The following KCNH1 variants were observed in gnomAD, a reference collection of about 807,000 sequenced individuals.
KCNH1 encodes voltage-gated delayed rectifier potassium channel KCNH1.
Under a neutral mutation model 69.2 loss-of-function variants are expected in KCNH1, and 27 were observed. The observed-to-expected ratio is 0.39, with a 90% CI of 0.29 to 0.54. The LOEUF is 0.54. Ranked by LOEUF, KCNH1 falls within the 20% of genes least tolerant of loss-of-function variation. KCNH1 has a pLI of 0.68. For synonymous variants in KCNH1, 456 were observed against 487.7 expected, an observed-to-expected ratio of 0.93 and a Z score of 0.86; for missense variants, 798 against 1,261.6, an observed-to-expected ratio of 0.63 and a Z score of 5.57.
At chr1:210,948,350 T>A (rs922160943) in intron 6 of KCNH1, among the ~76,000 whole-genome samples, 72 of 152,116 alleles carry the variant, frequency 4.7e-4, no homozygotes, top group African/African-American at 1.7e-3. Context: ...AATATGGCTA[T>A]GTAAATTATG....
chr1:210,852,337 G>A (rs1233992341), intron 7 of KCNH1, among the ~76,000 whole-genome samples: 1 of 152,224 alleles, frequency 6.6e-6, no homozygotes, highest in Non-Finnish European at 1.5e-5. Flanking sequence ...TGGTGCGAGA[G>A]AAGGCTGGAG....
intron 6 of KCNH1, among the ~76,000 whole-genome samples, chr1:211,011,922 T>C (rs1280258863): frequency 1.3e-5 from 2 of 152,216 alleles, no homozygotes; most frequent in African/African-American, 4.8e-5. Context: ...ACAATGTTTC[T>C]AGCATGGAGG....
In KCNH1 at chr1:210,883,967, A is replaced by G. The variant is rs538656337; in HGVS notation, c.1462+35673T>C. On this transcript the variant is annotated intron_variant, in intron 7 of 10. Coordinates refer to ENST00000271751, the MANE Select transcript of KCNH1 (RefSeq NM_172362.3). ...GAGGCAAACCTCTTCCTCCCAGCCC[A>G]TGCTCTGGACAATGATTCATCAGCC... Among the ~76,000 whole-genome samples the G allele has an allele frequency of 8.5e-5, 13 of 152,352 alleles. No individual in the cohort carries two copies. In the South Asian group the frequency reaches 2.7e-3, roughly 32 times the overall value.
At chr1:210,905,965 A>G (rs1262788048) in intron 7 of KCNH1, among the ~76,000 whole-genome samples, 1 of 152,176 alleles carries the variant, frequency 6.6e-6, no homozygotes, top group Non-Finnish European at 1.5e-5. Context: ...GTCCAGCGTA[A>G]AGCCCTTACT....
intron 6 of KCNH1, among the ~76,000 whole-genome samples, chr1:210,922,972 C>T (rs1687497421): frequency 6.6e-6 from 1 of 152,186 alleles, no homozygotes; most frequent in Non-Finnish European, 1.5e-5. Context: ...GGCAAAACTG[C>T]CTTGCCATTT....
chr1:210,897,851 G>C (rs1686904154), intron 7 of KCNH1, among the ~76,000 whole-genome samples: 1 of 152,304 alleles, frequency 6.6e-6, no homozygotes, highest in African/African-American at 2.4e-5. Flanking sequence ...GCAGAAGCAG[G>C]AAGAGAGCGA....
intron 10 of KCNH1, among the ~76,000 whole-genome samples, chr1:210,760,814 G>A (rs1683501254): frequency 6.6e-6 from 1 of 152,122 alleles, no homozygotes. Context: ...AGAACAGCAA[G>A]GGAAAGACCT....
intron 9 of KCNH1, among the ~76,000 whole-genome samples, chr1:210,780,935 T>G (rs906729377): frequency 1.8e-4 from 28 of 152,164 alleles, no homozygotes; most frequent in Admixed American, 1.6e-3. Context: ...TAGTCCCAGC[T>G]ACTTGGGAGG....
chr1:211,072,560 T>C (rs1437787409), intron 5 of KCNH1, among the ~76,000 whole-genome samples: 1 of 152,234 alleles, frequency 6.6e-6, no homozygotes, highest in Non-Finnish European at 1.5e-5. Context: ...TTTGTGTTTA[T>C]GTATATGTGA....
At chr1:210,859,503 A>T (rs867156883) in intron 7 of KCNH1, 3 of 1,602,142 alleles carry the variant, frequency 1.9e-6, no homozygotes, top group Middle Eastern at 3.3e-4. Context: ...CCCAATCTTC[A>T]TCATCTCCAT....
In KCNH1 at chr1:210,683,288, G is replaced by C. The variant is rs748546352; in HGVS notation, c.2963C>G (p.Ala988Gly). ...TTTTTTTAAATAGACCTCTCAGCTG[G>C]CTCCAAAAATGTCTCTCTCTGATTC... ...SPESERDIFG[A>G]S Residue 988 changes from alanine (A) to glycine (G), a missense_variant, in exon 11 of 11, where the codon GCC (alanine) becomes GGC (glycine). Around this residue, in one of 4 missense-constraint regions of KCNH1, gnomAD observed 331 missense variants for 363.2 expected, o/e 0.91. Transcript: ENST00000271751. The surrounding 1 kb of genome is among the most constrained non-coding windows in gnomAD (Gnocchi z 5.7). 6.8e-5 allele frequency: 110 copies of C among 1,612,636 alleles called. No individual in the cohort carries two copies. Among genetic ancestry groups the C allele is most frequent in the Non-Finnish European group, 1.4e-5 (16 of 1,179,414 alleles).
chr1:210,785,941 T>A (rs1439312092), intron 9 of KCNH1, among the ~76,000 whole-genome samples: 1 of 152,198 alleles, frequency 6.6e-6, no homozygotes, highest in Non-Finnish European at 1.5e-5. Flanking sequence ...TTAAGAAGAC[T>A]TCTTGGATGC....
At chr1:211,104,616 C>T (rs1291056898) in intron 2 of KCNH1, among the ~76,000 whole-genome samples, 1 of 152,020 alleles carries the variant, frequency 6.6e-6, no homozygotes, top group Non-Finnish European at 1.5e-5. Context: ...TAACAAAATG[C>T]CAGAGGAGGG....
intron 3 of KCNH1, among the ~76,000 whole-genome samples, chr1:211,091,479 T>C (rs1558600818): frequency 6.6e-6 from 1 of 152,250 alleles, no homozygotes; most frequent in South Asian, 2.1e-4. Flanking sequence ...AGAAACTATA[T>C]TTCTACATCC....
intron 7 of KCNH1, among the ~76,000 whole-genome samples, chr1:210,847,917 G>A (rs996728368): frequency 1.3e-5 from 2 of 152,220 alleles, no homozygotes; most frequent in Admixed American, 6.5e-5. Context: ...AAGTGTGCAG[G>A]TCAGAGATGA....
chr1:210,690,867 C>T (rs17260669), intron 10 of KCNH1, among the ~76,000 whole-genome samples: 3,247 of 150,456 alleles, frequency 0.022, 69 homozygotes, highest in Middle Eastern at 0.038. Context: ...ATGCCAGGCT[C>T]GGGAGATACA....
intron 6 of KCNH1, among the ~76,000 whole-genome samples, chr1:211,001,162 T>C (rs1384968667): frequency 6.6e-6 from 1 of 152,046 alleles, no homozygotes; most frequent in Non-Finnish European, 1.5e-5. Context: ...AATTGACAAA[T>C]GGGATGTAAT....
At chr1:210,931,352 T>C (rs1439007627) in intron 6 of KCNH1, among the ~76,000 whole-genome samples, 1 of 152,070 alleles carries the variant, frequency 6.6e-6, no homozygotes, top group East Asian at 1.9e-4. Context: ...AAGAATAAAA[T>C]ACTGGCATTC....
At chr1:211,061,199 AC>A in intron 5 of KCNH1, among the ~76,000 whole-genome samples, 1 of 152,330 alleles carries the variant, frequency 6.6e-6, no homozygotes, top group Non-Finnish European at 1.5e-5. Flanking sequence ...AGAATGAAGG[AC>A]AAAAAACATA....
Sources: allele counts gnomAD v4.1 joint callset (sites outside exome capture counted in the v4.1 genomes callset), GRCh38; gene constraint gnomAD v4.1.1; regional missense constraint gnomAD v4.1.1; non-coding constraint Gnocchi (gnomAD v3.1); transcripts MANE v1.5; gene names NCBI Gene and HGNC (gene_info 2026-07-23, HGNC 2026-07-21).